The following SSX3 variants were observed in gnomAD, a reference collection of about 807,000 sequenced individuals.
SSX3 encodes SSX family member 3.
In SSX3, 6 loss-of-function variants were observed where a neutral mutation model predicts 14.8. The observed-to-expected ratio is 0.41, with a 90% confidence interval of 0.22 to 0.80. SSX3 has a LOEUF of 0.80. Among genes scored for constraint, SSX3 ranks in the 30% least tolerant of loss-of-function variants. SSX3 has a pLI of 0.34. For synonymous variants in SSX3, 55 were observed against 52.9 expected (o/e 1.04, Z -0.18); for missense variants, 163 against 152.2 (o/e 1.07, Z -0.37).
chrX:48,347,465 C>G, intron 7 of SSX3, 35 bp downstream of exon 7: 1 of 1,206,994 alleles, frequency 8.3e-7, no homozygotes, highest in Non-Finnish European at 1.1e-6. Context: ...AGCACATCTG[C>G]AGGGATGCAG....
chrX:48,355,698 G>A lies in SSX3; in HGVS notation c.-20-429C>T, dbSNP rs150689745. On this transcript the variant is annotated intron_variant, in intron 1 of 7. Coordinates refer to ENST00000298396, the MANE Select transcript of SSX3 (RefSeq NM_021014.4). ...TCCCAGAGATAACGTGGTCTCTTTG[G>A]TGATGGATCTGATCAGGCAGAGGGA... Among the ~76,000 whole-genome samples, 5 of 111,516 alleles carry A rather than the reference G, an allele frequency of 4.5e-5. No individual in the cohort carries two copies. In the East Asian group the frequency reaches 1.4e-3, roughly 31 times the overall value.
Position 48,347,578 on chromosome X carries a change from T to C in SSX3, c.493A>G (p.Thr165Ala), listed in dbSNP as rs2061244305. Residue 165 changes from threonine to alanine, a missense_variant, in exon 7 of 8, where the codon ACC becomes GCC. Coordinates refer to ENST00000298396, the MANE Select transcript of SSX3 (RefSeq NM_021014.4). ...TGCTTTCTCTCACGCAGTCTGTGGG[T>C]CCAGGCATGTTCCCCCCTTTTGGGT... Reference protein sequence around the residue: ...SGPKRGEHAWTHRLRERKQLV... With the variant: ...SGPKRGEHAWAHRLRERKQLV... 1 of 1,208,214 alleles carries C rather than the reference T, an allele frequency of 8.3e-7. No individual in the cohort carries two copies. The highest frequency in any genetic ancestry group is 1.8e-5 in the South Asian group (1 of 56,706).
rs1398769749 is a variant in SSX3 at position 48,346,773 on chromosome X, A to G, written c.*267T>C. 2.3e-5 allele frequency: 11 copies of G among 486,140 alleles called. No individual in the cohort carries two copies. Among genetic ancestry groups the G allele is most frequent in the African/African-American group, 4.8e-5 (2 of 41,870 alleles). 40.1% of individuals were successfully genotyped at this position (486,140 alleles called of 1,213,427 possible). On this transcript the variant is annotated 3_prime_UTR_variant, in exon 8 of 8. Transcript: ENST00000298396. Reference sequence around the variant, plus strand: ...CTAAGGTAGGTGCATGGATACACAAACCAAAATATGCATTAAGTATGTCTT... The same window carrying G: ...CTAAGGTAGGTGCATGGATACACAAGCCAAAATATGCATTAAGTATGTCTT...
At chrX:48,350,381 C>A (rs1323700805) in intron 5 of SSX3, among the ~76,000 whole-genome samples, 1 of 111,301 alleles carries the variant, frequency 9.0e-6, no homozygotes, top group African/African-American at 3.3e-5. Flanking sequence ...CAGCAAAAAT[C>A]TCCATTTAAT....
intron 5 of SSX3, among the ~76,000 whole-genome samples, chrX:48,350,790 G>A (rs76027149): frequency 1.6e-5 from 1 of 62,948 alleles, no homozygotes; most frequent in Admixed American, 1.9e-4. Context: ...TTTTTTTTTT[G>A]AGACGGAGTC....
In SSX3 at chrX:48,346,743, G is replaced by A. The variant is rs1406992738; in HGVS notation, c.*297C>T. 2 of 430,713 alleles carry A rather than the reference G, an allele frequency of 4.6e-6. No individual in the cohort carries two copies. The highest frequency in any genetic ancestry group is 8.1e-6 in the Non-Finnish European group (2 of 246,782). The allele number at this position is 430,713 out of a possible 1,213,427, so 35.5% of individuals were successfully genotyped here. On this transcript the variant is annotated 3_prime_UTR_variant, in exon 8 of 8. Coordinates refer to ENST00000298396, the MANE Select transcript of SSX3 (RefSeq NM_021014.4). ...CATGCAGAGGTAACTGACAATACTTGTTTTCTAAGGTAGGTGCATGGATAC... is the reference window on the plus strand; with the variant it reads ...CATGCAGAGGTAACTGACAATACTTATTTTCTAAGGTAGGTGCATGGATAC...
chrX:48,350,873 C>T (rs1556949662), intron 5 of SSX3, among the ~76,000 whole-genome samples: 2 of 107,070 alleles, frequency 1.9e-5, no homozygotes, highest in East Asian at 2.9e-4. Flanking sequence ...CGCGTTTAAG[C>T]GATTCTCCTT....
rs2061244042 is a variant in SSX3 at position 48,347,514 on chromosome X, T to A, written c.557A>T (p.Asp186Val). The change falls in exon 7 of 8, where the codon GAT becomes GTT. Residue 186 changes from aspartate to valine, a missense_variant. Transcript: ENST00000298396. ...IYEEISDPEE[D>V]DE ...GGTTCTCTTACGGAGTTACTCATCA[T>A]CTTCCTCAGGATCGCTGATCTCTTC... 8.3e-7 allele frequency: 1 copy of A among 1,208,752 alleles called. No homozygotes were observed. Among genetic ancestry groups the A allele is most frequent in the Admixed American group, 2.2e-5 (1 of 45,817 alleles).
chrX:48,349,550 T>C lies in SSX3; in HGVS notation c.466+437A>G, dbSNP rs782615755. 10 of 1,210,062 alleles carry C rather than the reference T, an allele frequency of 8.3e-6. No homozygotes were observed. The South Asian group carries it at 1.6e-4, about 19-fold the overall frequency. ...ATGTGTGTGACTCACTTTATTGCAG[T>C]GGTCTGGAACCGAACCTGCAGTATC... is the stretch of plus-strand genomic sequence containing the variant. On this transcript the variant is annotated intron_variant, in intron 6 of 7. Transcript: ENST00000298396.
In SSX3 at chrX:48,349,367, G is replaced by A. The variant is rs781923620; in HGVS notation, c.466+620C>T. 2.3e-5 allele frequency: 14 copies of A among 601,660 alleles called. No individual in the cohort carries two copies. In the African/African-American group the frequency reaches 3.3e-4, roughly 14 times the overall value. The allele number at this position is 601,660 out of a possible 1,213,427, so 49.6% of individuals were successfully genotyped here. A position where few individuals can be genotyped will look rare whatever the true frequency, so the allele number is the denominator to read the frequency against. On this transcript the variant is annotated intron_variant, in intron 6 of 7. Transcript: ENST00000298396. ...GCAAGACCCTCCACCAGCAAAAAGA[G>A]TGTGACTCACTGAAGGCTCAGAAGA...
At chrX:48,352,958 A>C (rs1173353488) in intron 4 of SSX3, among the ~76,000 whole-genome samples, 2 of 111,545 alleles carry the variant, frequency 1.8e-5, no homozygotes, top group Non-Finnish European at 3.8e-5. Flanking sequence ...AATCAGGGTT[A>C]TTTGGGAATG....
chrX:48,354,239 G>T (rs1165812702), intron 3 of SSX3, 145 bp from the exon 4 acceptor site: 1 of 494,643 alleles, frequency 2.0e-6, no homozygotes. Context: ...AGCTATGATT[G>T]CACTACTGCA....
intron 5 of SSX3, among the ~76,000 whole-genome samples, chrX:48,350,890 C>T (rs1274683262): frequency 9.2e-6 from 1 of 108,558 alleles, no homozygotes; most frequent in Admixed American, 9.9e-5. Flanking sequence ...CCTTCCTTAG[C>T]CTCCAGAGTA....
chrX:48,348,568 GATT>G (rs2061248237), intron 6 of SSX3: 1 of 430,727 alleles, frequency 2.3e-6, no homozygotes, highest in African/African-American at 2.5e-5. Context: ...AAATGGCTAA[GATT>G]AGTGAGGAAG....
chrX:48,353,764 T>A (rs2146668005), intron 4 of SSX3, among the ~76,000 whole-genome samples: 1 of 111,888 alleles, frequency 8.9e-6, no homozygotes, highest in African/African-American at 3.2e-5. Flanking sequence ...TTCACATTCA[T>A]GTTTGTATAC....
chrX:48,348,237 C>T, intron 6 of SSX3: 1 of 452,886 alleles, frequency 2.2e-6, no homozygotes, highest in Admixed American at 3.5e-5. Flanking sequence ...CCTTGCCTTA[C>T]AAACAATCCA....
At position 48,350,000 on chromosome X, in the gene SSX3, A is replaced by C; in HGVS notation, c.453T>G (p.Ile151Met). Residue 151 changes from isoleucine (I) to methionine (M), a missense_variant, in exon 6 of 8, where the codon ATT becomes ATG. Coordinates refer to ENST00000298396, the MANE Select transcript of SSX3 (RefSeq NM_021014.4). The part of the protein sequence containing the change: ...PPGKPTTSEK[I>M]NMISGPKRGE... ...GCTTCCTCTTACCAGATATCATGTT[A>C]ATCTTCTCAGAGGTAGTTGGTTTTC... is the stretch of plus-strand genomic sequence containing the variant. 1 of 1,211,029 alleles carries C rather than the reference A, an allele frequency of 8.3e-7. No homozygotes were observed. The highest frequency in any genetic ancestry group is 1.8e-5 in the South Asian group (1 of 56,863).
intron 6 of SSX3, chrX:48,349,570 A>G (rs782750480): frequency 1.2e-4 from 144 of 1,208,721 alleles, no homozygotes; most frequent in Non-Finnish European, 1.6e-4. Context: ...CCGAACCTGC[A>G]GTATCTCTGA....
At chrX:48,356,503 A>G (rs2061288322) in intron 1 of SSX3, 131 bp downstream of exon 1, 1 of 111,450 alleles carries the variant, frequency 9.0e-6, no homozygotes, top group Non-Finnish European at 1.9e-5. Context: ...GATGGCGGTT[A>G]GAAACTGACA....
Sources: gnomAD v4.1 joint callset for allele counts (sites outside exome capture counted in the v4.1 genomes callset) on GRCh38, gnomAD v4.1.1 for gene constraint, MANE v1.5 for transcripts, NCBI Gene and HGNC (gene_info 2026-07-23, HGNC 2026-07-21) for gene names.